Variants in SYT1 observed in about 807,000 individuals in gnomAD.
SYT1 encodes synaptotagmin 1.
SYT1 carries 8 observed loss-of-function variants against 44.8 expected under a neutral mutation model. The ratio of observed to expected loss-of-function variants is 0.18; its 90% CI spans 0.10 to 0.32. SYT1 has a LOEUF of 0.32. Among genes scored for constraint, SYT1 ranks in the 10% least tolerant of loss-of-function variants. SYT1 has a pLI of 1.00. For synonymous variants in SYT1, 154 were observed against 188.8 expected (o/e 0.82, Z 1.51); for missense variants, 286 against 509.3 (o/e 0.56, Z 4.22).
At chr12:78,924,145 A>T (rs181183305) in intron 1 of SYT1, among the ~76,000 whole-genome samples, 16 of 152,028 alleles carry the variant, frequency 1.1e-4, no homozygotes, top group Non-Finnish European at 1.6e-4. Context: ...ATACCACAGA[A>T]GTGATGATGT....
chr12:79,373,207 A>G (rs1883862625), intron 9 of SYT1, among the ~76,000 whole-genome samples: 1 of 152,198 alleles, frequency 6.6e-6, no homozygotes, highest in African/African-American at 2.4e-5. Context: ...CTCTCCTACA[A>G]TTTGTGCTTA....
At chr12:79,325,128 C>G (rs1277836491) in intron 8 of SYT1, among the ~76,000 whole-genome samples, 1 of 152,136 alleles carries the variant, frequency 6.6e-6, no homozygotes, top group Non-Finnish European at 1.5e-5. Context: ...GATTCCTATT[C>G]AAGTATCTTC....
At position 78,948,944 on chromosome 12, in the gene SYT1, A is replaced by G. The variant is rs1053255477; in HGVS notation, c.-216-28855A>G. On this transcript the variant is annotated intron_variant, in intron 1 of 10. Transcript: ENST00000261205. ...AATCTCTTTCTTTTTCTGTAGCAAA[A>G]ATCAAGGCCTATTATATTATATTAT... Among the ~76,000 whole-genome samples, 14 of 141,310 alleles carry G rather than the reference A, an allele frequency of 9.9e-5. No homozygotes were observed. The Admixed American group carries it at 1.0e-3, about 10-fold the overall frequency. 92.7% of individuals were successfully genotyped at this position (141,310 alleles called of 152,430 possible).
intron 8 of SYT1, among the ~76,000 whole-genome samples, chr12:79,311,001 C>G (rs1176517755): frequency 3.3e-5 from 5 of 152,228 alleles, no homozygotes; most frequent in Admixed American, 2.6e-4. Context: ...ATTGAATACG[C>G]TTTATTTCCT....
intron 1 of SYT1, among the ~76,000 whole-genome samples, chr12:78,902,158 C>T (rs1875701821): frequency 6.6e-6 from 1 of 151,344 alleles, no homozygotes; most frequent in African/African-American, 2.4e-5. Flanking sequence ...GCACGTTCTG[C>T]ACATGTACCC....
intron 1 of SYT1, among the ~76,000 whole-genome samples, chr12:78,974,410 A>AATT (rs201614761): frequency 2.0e-5 from 3 of 151,736 alleles, no homozygotes; most frequent in African/African-American, 7.3e-5. Context: ...GTCTTCCGAA[A>AATT]ATTATTATTA....
intron 9 of SYT1, among the ~76,000 whole-genome samples, chr12:79,372,171 G>A (rs897244382): frequency 1.3e-5 from 2 of 152,114 alleles, no homozygotes; most frequent in South Asian, 2.1e-4. Flanking sequence ...CCTTTAAGGA[G>A]ACCAACTTAA....
chr12:79,216,256 GT>G (rs1874798811), intron 3 of SYT1, among the ~76,000 whole-genome samples: 1 of 151,966 alleles, frequency 6.6e-6, no homozygotes, highest in Admixed American at 6.6e-5. Context: ...AAAAAATCTT[GT>G]TTGCTGGTTA....
chr12:79,399,643 C>T (rs1163454650), intron 9 of SYT1, among the ~76,000 whole-genome samples: 1 of 152,080 alleles, frequency 6.6e-6, no homozygotes, highest in Non-Finnish European at 1.5e-5. Context: ...TTTTAATATA[C>T]AAATAAATTA....
At position 79,421,598 on chromosome 12, in the gene SYT1, A is replaced by G. The variant is rs546221311; in HGVS notation, c.929-22475A>G. Among the ~76,000 whole-genome samples the G allele has an allele frequency of 7.2e-4, 110 of 152,230 alleles. 1 individual carries two copies. Among genetic ancestry groups the G allele is most frequent in the Middle Eastern group, 3.4e-3 (1 of 294 alleles). ...TTCATGATAGAATATCTGTCTTGAC[A>G]TGTTGGTTGGTATACATATTGCTCT... On this transcript the variant is annotated intron_variant, in intron 9 of 10. Transcript: ENST00000261205.
At chr12:79,229,156 A>T (rs1348590664) in intron 4 of SYT1, among the ~76,000 whole-genome samples, 1 of 152,236 alleles carries the variant, frequency 6.6e-6, no homozygotes, top group African/African-American at 2.4e-5. Flanking sequence ...CTGTGTTGGG[A>T]TGAGGAACAA....
chr12:78,925,357 A>C (rs530211601), intron 1 of SYT1, among the ~76,000 whole-genome samples: 1 of 151,960 alleles, frequency 6.6e-6, no homozygotes, highest in Non-Finnish European at 1.5e-5. Flanking sequence ...ATTTGTTCAG[A>C]GTTGTCTTCA....
At chr12:79,346,792 C>T (rs1882626752) in intron 8 of SYT1, among the ~76,000 whole-genome samples, 1 of 152,160 alleles carries the variant, frequency 6.6e-6, no homozygotes, top group Non-Finnish European at 1.5e-5. Context: ...GTGAGGACCT[C>T]ATTTCAATAC....
intron 3 of SYT1, among the ~76,000 whole-genome samples, chr12:79,206,433 C>T (rs547124276): frequency 1.5e-4 from 23 of 152,070 alleles, no homozygotes; most frequent in African/African-American, 5.3e-4. Context: ...CTGTGTTGAG[C>T]GTACGTTGAG....
rs866781881 is a variant in SYT1 at position 78,931,230 on chromosome 12, A to G, written c.-216-46569A>G. ...AAGAAAGAAAGAAAGAAAGAAAGAAAGAAAGAAAGAAGGAAGGAAGGAAGG... is the reference window on the plus strand; with the variant it reads ...AAGAAAGAAAGAAAGAAAGAAAGAAGGAAAGAAAGAAGGAAGGAAGGAAGG... On this transcript the variant is annotated intron_variant, in intron 1 of 10. Transcript: ENST00000261205. Among the ~76,000 whole-genome samples, 94 of 58,358 alleles carry G rather than the reference A, an allele frequency of 1.6e-3. 5 individuals are homozygous for G. The highest frequency in any genetic ancestry group is 8.0e-3 in the African/African-American group (80 of 10,014). 38.3% of individuals were successfully genotyped at this position (58,358 alleles called of 152,430 possible). A position where few individuals can be genotyped will look rare whatever the true frequency, so the allele number is the denominator to read the frequency against.
intron 1 of SYT1, among the ~76,000 whole-genome samples, chr12:78,902,170 A>G (rs1246386705): frequency 6.7e-6 from 1 of 149,380 alleles, no homozygotes; most frequent in Non-Finnish European, 1.5e-5. Flanking sequence ...CATGTACCCC[A>G]GAACTTAAAG....
chr12:79,107,700 A>C (rs1179024225), intron 3 of SYT1, among the ~76,000 whole-genome samples: 2 of 152,022 alleles, frequency 1.3e-5, no homozygotes, highest in African/African-American at 4.8e-5. Flanking sequence ...ATTATTCTTA[A>C]AGACTTTAGC....
intron 3 of SYT1, among the ~76,000 whole-genome samples, chr12:79,121,951 T>C (rs1868269964): frequency 6.6e-6 from 1 of 152,234 alleles, no homozygotes; most frequent in Non-Finnish European, 1.5e-5. Flanking sequence ...AAAGCCCTGC[T>C]TCTGTGGTAA....
intron 2 of SYT1, among the ~76,000 whole-genome samples, chr12:78,986,987 A>T (rs2137465070): frequency 6.6e-6 from 1 of 152,216 alleles, no homozygotes; most frequent in Admixed American, 6.5e-5. Context: ...ATGAAATAAT[A>T]AAACTTTCCT....
Sources: allele counts gnomAD v4.1 joint callset (sites outside exome capture counted in the v4.1 genomes callset), GRCh38; gene constraint gnomAD v4.1.1; transcripts MANE v1.5; gene names NCBI Gene and HGNC (gene_info 2026-07-23, HGNC 2026-07-21).